Variants in DLGAP2 observed in about 807,000 individuals in gnomAD.
The protein encoded by DLGAP2 is DLG associated protein 2.
DLGAP2 carries 26 observed loss-of-function variants against 100.3 expected under a neutral mutation model. The observed-to-expected ratio is 0.26, with a 90% CI of 0.19 to 0.36. The LOEUF is 0.36. Ranked by LOEUF, DLGAP2 falls within the 10% of genes least tolerant of loss-of-function variation. The pLI is 1.00. For synonymous variants in DLGAP2, 886 were observed against 630.1 expected (o/e 1.41, Z -6.08); for missense variants, 1,858 against 1,453.2 (o/e 1.28, Z -4.53).
chr8:1,418,986 C>T (rs994113827), intron 3 of DLGAP2, among the ~76,000 whole-genome samples: 2 of 152,270 alleles, frequency 1.3e-5, no homozygotes, highest in Non-Finnish European at 2.9e-5. Flanking sequence ...TGCTCCCACT[C>T]AGGCACAGCC....
chr8:772,598 C>A (rs972095424), intron 1 of DLGAP2, among the ~76,000 whole-genome samples: 3 of 152,254 alleles, frequency 2.0e-5, no homozygotes, highest in Admixed American at 1.3e-4. Context: ...GCTGGGACTA[C>A]AGGCATGAGC....
chr8:1,593,691 A>G (rs994467443), intron 6 of DLGAP2, among the ~76,000 whole-genome samples: 2 of 134,528 alleles, frequency 1.5e-5, no homozygotes, highest in Non-Finnish European at 3.4e-5. Flanking sequence ...CTTTTCCAAG[A>G]GAGCTCCCAG....
chr8:1,501,784 T>C (rs969581946), intron 4 of DLGAP2, among the ~76,000 whole-genome samples: 2 of 152,202 alleles, frequency 1.3e-5, no homozygotes, highest in Non-Finnish European at 2.9e-5. Flanking sequence ...GCATTTTTCA[T>C]GTAGACCTTC....
chr8:1,213,443 T>C (rs79770873), intron 2 of DLGAP2, among the ~76,000 whole-genome samples: 1,755 of 152,346 alleles, frequency 0.012, 14 homozygotes, highest in Middle Eastern at 0.024. Flanking sequence ...TACATCATCC[T>C]TAATGTCCTT....
At chr8:1,207,023 C>G (rs1336688070) in intron 2 of DLGAP2, among the ~76,000 whole-genome samples, 2 of 152,224 alleles carry the variant, frequency 1.3e-5, no homozygotes, top group African/African-American at 4.8e-5. Context: ...ACACACAGAG[C>G]TCACCCAGGT....
chr8:867,524 A>G (rs1426004820), intron 1 of DLGAP2, among the ~76,000 whole-genome samples: 2 of 152,216 alleles, frequency 1.3e-5, no homozygotes, highest in Non-Finnish European at 2.9e-5. Flanking sequence ...TGATTATGTC[A>G]TTACGTGGCT....
intron 1 of DLGAP2, among the ~76,000 whole-genome samples, chr8:839,289 A>G (rs2132713477): frequency 6.6e-6 from 1 of 152,352 alleles, no homozygotes; most frequent in Admixed American, 6.5e-5. Context: ...TCCTATGTTC[A>G]CTGCAGCATT....
At chr8:803,974 T>C (rs1032450924) in intron 1 of DLGAP2, among the ~76,000 whole-genome samples, 2 of 152,172 alleles carry the variant, frequency 1.3e-5, no homozygotes, top group Non-Finnish European at 2.9e-5. Flanking sequence ...GTAGCTCCAA[T>C]GTGAATTTTA....
intron 2 of DLGAP2, among the ~76,000 whole-genome samples, chr8:1,252,620 C>T (rs948721661): frequency 1.3e-5 from 2 of 152,290 alleles, no homozygotes; most frequent in African/African-American, 4.8e-5. Flanking sequence ...GAGTGAGTGC[C>T]TATTCACATA....
chr8:1,032,205 C>G (rs925000654), intron 2 of DLGAP2, among the ~76,000 whole-genome samples: 1 of 152,244 alleles, frequency 6.6e-6, no homozygotes, highest in African/African-American at 2.4e-5. Flanking sequence ...CCTTCCAGAG[C>G]TCATAGTAGG....
intron 3 of DLGAP2, among the ~76,000 whole-genome samples, chr8:1,470,775 A>ACCCCTCCAGCCTTTCC (rs1563168449): frequency 5.3e-5 from 4 of 76,034 alleles, no homozygotes; most frequent in Admixed American, 1.3e-4. Flanking sequence ...GCCTTTCCCG[A>ACCCCTCCAGCCTTTCC]CTCCCCCAGC....
At chr8:1,385,759 C>T (rs1443113051) in intron 3 of DLGAP2, among the ~76,000 whole-genome samples, 5 of 147,158 alleles carry the variant, frequency 3.4e-5, no homozygotes, top group African/African-American at 1.0e-4. Context: ...GGCCTATGCC[C>T]ATCCCCTGAG....
At chr8:1,495,605 C>T (rs1337771199) in intron 3 of DLGAP2, among the ~76,000 whole-genome samples, 1 of 152,228 alleles carries the variant, frequency 6.6e-6, no homozygotes, top group Non-Finnish European at 1.5e-5. Context: ...ACGTTTGCCT[C>T]TGCACCTACT....
At chr8:1,368,391 G>A (rs556040060) in intron 3 of DLGAP2, among the ~76,000 whole-genome samples, 50 of 152,202 alleles carry the variant, frequency 3.3e-4, no homozygotes, top group African/African-American at 1.0e-3. Context: ...GTGCATGTGT[G>A]TGGGTATGTG....
intron 5 of DLGAP2, among the ~76,000 whole-genome samples, chr8:1,562,280 G>C (rs866467142): frequency 5.9e-4 from 6 of 10,116 alleles, no homozygotes; most frequent in East Asian, 3.4e-3. Flanking sequence ...GTTGGGTGTC[G>C]GCGCCTCGTT....
At chr8:1,266,799 G>A (rs551705228) in intron 3 of DLGAP2, among the ~76,000 whole-genome samples, 5 of 152,188 alleles carry the variant, frequency 3.3e-5, no homozygotes, top group South Asian at 4.2e-4. Context: ...GAAAGCTATC[G>A]AGGAATACTT....
At chr8:1,515,417 C>T (rs765252678) in intron 4 of DLGAP2, among the ~76,000 whole-genome samples, 1 of 148,480 alleles carries the variant, frequency 6.7e-6, no homozygotes, top group African/African-American at 2.5e-5. Context: ...CAGATGTGCA[C>T]ACACACACGC....
intron 2 of DLGAP2, among the ~76,000 whole-genome samples, chr8:1,005,700 A>G (rs1223184213): frequency 6.6e-6 from 1 of 151,894 alleles, no homozygotes; most frequent in African/African-American, 2.4e-5. Flanking sequence ...TATTACAGGC[A>G]TGAGCCACCG....
chr8:787,431 C>T (rs1821899362), intron 1 of DLGAP2, among the ~76,000 whole-genome samples: 1 of 152,252 alleles, frequency 6.6e-6, no homozygotes, highest in African/African-American at 2.4e-5. Context: ...TAACTTCTCT[C>T]CGCTTCTCCA....
Sources: gnomAD v4.1 joint callset for allele counts (sites outside exome capture counted in the v4.1 genomes callset) on GRCh38, gnomAD v4.1.1 for gene constraint, MANE v1.5 for transcripts, NCBI Gene and HGNC (gene_info 2026-07-23, HGNC 2026-07-21) for gene names.